Variants in CD209 observed in about 807,000 individuals in gnomAD.
CD209 encodes CD209 molecule.
Under a neutral mutation model 44.7 loss-of-function variants are expected in CD209, and 31 were observed. The observed-to-expected ratio is 0.69, with a 90% CI of 0.52 to 0.94. The LOEUF (loss-of-function observed/expected upper bound fraction) is 0.94. CD209 is among the 40% of genes least tolerant of loss of function. The pLI, the probability that CD209 is intolerant of heterozygous loss-of-function variation, is 0.00. For missense variants in CD209, 407 were observed against 452.4 expected (o/e 0.90, Z 0.91); for synonymous variants, 173 against 181.3 (o/e 0.95, Z 0.37).
chr19:7,744,338 G>A lies in CD209; in HGVS notation c.901-119C>T, dbSNP rs113835329. Reference sequence around the variant, plus strand: ...TAACCTACAGCCTTCTGGTATACTAGGTCCTGAGCCCCCTCGTGTCTGAGT... The same window carrying A: ...TAACCTACAGCCTTCTGGTATACTAAGTCCTGAGCCCCCTCGTGTCTGAGT... On this transcript the variant is annotated intron_variant, in intron 5 of 6. Coordinates refer to ENST00000315599, the MANE Select transcript of CD209 (RefSeq NM_021155.4). 223 of 726,354 alleles carry A rather than the reference G, an allele frequency of 3.1e-4. 1 individual carries two copies. The African/African-American group carries it at 3.5e-3, about 11-fold the overall frequency. 45.0% of individuals were successfully genotyped at this position (726,354 alleles called of 1,614,324 possible).
chr19:7,744,042 G>A, intron 6 of CD209, 65 bp downstream of exon 6: 2 of 1,328,642 alleles, frequency 1.5e-6, no homozygotes. Context: ...GATCCCCAGG[G>A]AAAGTTCAAA....
chr19:7,740,780 A>G lies in CD209; in HGVS notation c.*2259T>C. 2.6e-6 allele frequency: 2 copies of G among 762,682 alleles called. No homozygotes were observed. The highest frequency in any genetic ancestry group is 2.7e-5 in the South Asian group (2 of 73,414). The allele number at this position is 762,682 out of a possible 1,614,324, so 47.2% of individuals were successfully genotyped here. A position where few individuals can be genotyped will look rare whatever the true frequency, so the allele number is the denominator to read the frequency against. On this transcript the variant is annotated 3_prime_UTR_variant, in exon 7 of 7. Coordinates refer to ENST00000315599, the MANE Select transcript of CD209 (RefSeq NM_021155.4). ...GAAAGTTAAAGGAACAATGGGAAGA[A>G]CAGCAGAGGAAAGAGAGAGAGGAGG... is the stretch of plus-strand genomic sequence containing the variant.
chr19:7,745,480 C>A (rs776704702), intron 4 of CD209, 38 bp downstream of exon 4: 45 of 1,612,044 alleles, frequency 2.8e-5, no homozygotes, highest in Non-Finnish European at 3.8e-5. Context: ...ACACAACGAC[C>A]ATCTCAGGCC....
intron 4 of CD209, 114 bp from the exon 5 acceptor site, chr19:7,745,206 G>T: frequency 7.2e-7 from 1 of 1,393,326 alleles, no homozygotes; most frequent in Non-Finnish European, 9.8e-7. Flanking sequence ...TCCACGCCGG[G>T]TAGACCATTC....
Position 7,741,489 on chromosome 19 carries a change from T to G in CD209, c.*1550A>C, listed in dbSNP as rs2033612197. 3 of 526,426 alleles carry G rather than the reference T, an allele frequency of 5.7e-6. No homozygotes were observed. The highest frequency in any genetic ancestry group is 4.9e-5 in the South Asian group (3 of 61,526). 32.6% of individuals were successfully genotyped at this position (526,426 alleles called of 1,614,324 possible). ...CCTGGCGACAGAGCAAGACCCCATC[T>G]TTAAAAAAAAATAGTAATTAAAAAA... On this transcript the variant is annotated 3_prime_UTR_variant, in exon 7 of 7. Coordinates refer to ENST00000315599, the MANE Select transcript of CD209 (RefSeq NM_021155.4).
chr19:7,746,153 G>T (rs2033814119), intron 3 of CD209, 66 bp from the exon 4 acceptor site: 1 of 1,586,644 alleles, frequency 6.3e-7, no homozygotes, highest in Non-Finnish European at 8.6e-7. Context: ...CTTGAACTGA[G>T]CCCCATAGGG....
Position 7,742,979 on chromosome 19 carries a change from T to C in CD209, c.*60A>G. On this transcript the variant is annotated 3_prime_UTR_variant, in exon 7 of 7. Coordinates refer to ENST00000315599, the MANE Select transcript of CD209 (RefSeq NM_021155.4). The stretch of plus-strand genomic sequence containing the variant: ...ATCTGACAAAGAACAGTCCCAGAGA[T>C]TTTGTGAAGGTCGAAGGATGGAGAG... 2 of 1,324,178 alleles carry C rather than the reference T, an allele frequency of 1.5e-6. No homozygotes were observed. The highest frequency in any genetic ancestry group is 2.4e-5 in the South Asian group (2 of 84,524). The allele number at this position is 1,324,178 out of a possible 1,614,324, so 82.0% of individuals were successfully genotyped here. A position where few individuals can be genotyped will look rare whatever the true frequency, so the allele number is the denominator to read the frequency against.
At chr19:7,744,292 T>G (rs61058460) in intron 5 of CD209, 73 bp from the exon 6 acceptor site, 1 of 1,161,562 alleles carries the variant, frequency 8.6e-7, no homozygotes, top group Non-Finnish European at 1.3e-6. Flanking sequence ...CATCTCTTGG[T>G]AGGAAGTTCT....
Position 7,741,727 on chromosome 19 carries a change from A to G in CD209, c.*1312T>C. The G allele has an allele frequency of 1.6e-6, 1 of 636,694 alleles. No individual in the cohort carries two copies. The highest frequency in any genetic ancestry group is 2.9e-6 in the Non-Finnish European group (1 of 340,714). 39.4% of individuals were successfully genotyped at this position (636,694 alleles called of 1,614,324 possible). On this transcript the variant is annotated 3_prime_UTR_variant, in exon 7 of 7. Coordinates refer to ENST00000315599, the MANE Select transcript of CD209 (RefSeq NM_021155.4). ...TGATGATTTGTGGTTTATTTGAAAT[A>G]CAACAATGTCCAAGAGGAAAACACT...
At chr19:7,746,823 C>T (rs1439340979) in intron 2 of CD209, among the ~76,000 whole-genome samples, 14 of 151,210 alleles carry the variant, frequency 9.3e-5, no homozygotes, top group Non-Finnish European at 1.5e-5. Flanking sequence ...ACCCAGGCCC[C>T]CAGCTCCCAC....
intron 5 of CD209, 112 bp from the exon 6 acceptor site, chr19:7,744,331 T>C: frequency 2.6e-6 from 2 of 782,254 alleles, no homozygotes; most frequent in Non-Finnish European, 4.3e-6. Context: ...AGCCTTCTGG[T>C]ATACTAGGTC....
At chr19:7,746,373 C>T (rs1446581142) in intron 3 of CD209, 87 bp downstream of exon 3, 32 of 1,450,954 alleles carry the variant, frequency 2.2e-5, no homozygotes, top group Middle Eastern at 1.7e-4. Flanking sequence ...TCAGTCCCAC[C>T]TCCCTCCCAG....
In CD209 at chr19:7,742,181, G is replaced by A. The variant is rs2033638059; in HGVS notation, c.*858C>T. The A allele has an allele frequency of 1.7e-5, 3 of 172,256 alleles. No individual in the cohort carries two copies. Among genetic ancestry groups the A allele is most frequent in the Admixed American group, 6.2e-5 (1 of 16,214 alleles). 10.7% of individuals were successfully genotyped at this position (172,256 alleles called of 1,614,324 possible). A position where few individuals can be genotyped will look rare whatever the true frequency, so the allele number is the denominator to read the frequency against. On this transcript the variant is annotated 3_prime_UTR_variant, in exon 7 of 7. Transcript: ENST00000315599. ...TCTTACAAAAAATAATAGGCCAGGC[G>A]CGGTGGCTCACACCTGTAATCCCAG... is the stretch of plus-strand genomic sequence containing the variant.
intron 5 of CD209, 152 bp downstream of exon 5, chr19:7,744,789 G>A (rs2033743551): frequency 9.1e-7 from 1 of 1,093,370 alleles, no homozygotes; most frequent in East Asian, 2.5e-5. Flanking sequence ...TCTGCTCTAA[G>A]GGTACTTGAG....
chr19:7,744,874 A>G, intron 5 of CD209, 67 bp downstream of exon 5: 2 of 1,589,218 alleles, frequency 1.3e-6, no homozygotes, highest in Non-Finnish European at 1.7e-6. Flanking sequence ...GTCATCTCTG[A>G]GCACCTCCTC....
At position 7,744,191 on chromosome 19, in the gene CD209, C is replaced by T; in HGVS notation, c.929G>A (p.Ser310Asn). The change falls in exon 6 of 7, where the codon AGT (serine) becomes AAT (asparagine). Residue 310 changes from serine to asparagine, a missense_variant. Transcript: ENST00000315599. ...QNFLQLQSSR[S>N]NRFTWMGLSD... ...AAGTCCCATCCAGGTGAAGCGGTTA[C>T]TTCTGGAAGACTGCAGCTGTAGGAA... 1 of 1,614,162 alleles carries T rather than the reference C, an allele frequency of 6.2e-7. No individual in the cohort carries two copies. Among genetic ancestry groups the T allele is most frequent in the Non-Finnish European group, 8.5e-7 (1 of 1,179,982 alleles).
intron 6 of CD209, 67 bp from the exon 7 acceptor site, chr19:7,743,307 T>C: frequency 1.4e-6 from 2 of 1,392,650 alleles, no homozygotes; most frequent in Non-Finnish European, 2.0e-6. Flanking sequence ...TTCTACCTTC[T>C]GTCATCTTGA....
rs113836492 is a variant in CD209, at chr19:7,745,125, G to A, written c.749-33C>T. ...GGGAGGCTGGTCAGGGCTGGGCTTA[G>A]ATTAGGTTGTCCATATTCCTGTACC... On this transcript the variant is annotated intron_variant, in intron 4 of 6. Transcript: ENST00000315599. 9.9e-3 allele frequency: 16,002 copies of A among 1,612,994 alleles called. 90 individuals carry two copies. Among genetic ancestry groups the A allele is most frequent in the Non-Finnish European group, 0.012 (14,141 of 1,179,310 alleles).
At position 7,742,056 on chromosome 19, in the gene CD209, G is replaced by A. The variant is rs550603471; in HGVS notation, c.*983C>T. On this transcript the variant is annotated 3_prime_UTR_variant, in exon 7 of 7. Transcript: ENST00000315599. ...GAGAACGGCCGGAGCCGTCACAGCC[G>A]GAGCCAAAGCTCCTCTAGATCCCAA... 1.0e-5 allele frequency: 3 copies of A among 294,844 alleles called. No homozygotes were observed. Among genetic ancestry groups the A allele is most frequent in the South Asian group, 4.0e-5 (1 of 25,066 alleles). The allele number at this position is 294,844 out of a possible 1,614,324, so 18.3% of individuals were successfully genotyped here. A position where few individuals can be genotyped will look rare whatever the true frequency, so the allele number is the denominator to read the frequency against.
Sources: gnomAD v4.1 joint callset for allele counts (sites outside exome capture counted in the v4.1 genomes callset) on GRCh38, gnomAD v4.1.1 for gene constraint, MANE v1.5 for transcripts, NCBI Gene and HGNC (gene_info 2026-07-23, HGNC 2026-07-21) for gene names.